TENM2: variants seen among roughly 807,000 people sequenced by gnomAD.
TENM2 encodes the protein teneurin transmembrane protein 2.
TENM2 carries 52 observed loss-of-function variants against 245.2 expected under a neutral mutation model. The ratio of observed to expected loss-of-function variants is 0.21; its 90% CI spans 0.17 to 0.27. The LOEUF (loss-of-function observed/expected upper bound fraction) is 0.27. Ranked by LOEUF, TENM2 falls within the 10% of genes least tolerant of loss-of-function variation. The pLI is 1.00. For synonymous variants in TENM2, 1,363 were observed against 1,438.9 expected (o/e 0.95, Z 1.19); for missense variants, 3,046 against 3,666.8 (o/e 0.83, Z 4.37).
chr5:167,541,606 A>G (rs12513610), intron 2 of TENM2, among the ~76,000 whole-genome samples: 9 of 152,082 alleles, frequency 5.9e-5, no homozygotes, highest in Admixed American at 1.3e-4. Context: ...GAATCAATAT[A>G]TCTGCACTGA....
At chr5:167,947,411 T>A (rs1225997367) in intron 3 of TENM2, among the ~76,000 whole-genome samples, 2 of 152,192 alleles carry the variant, frequency 1.3e-5, no homozygotes, top group South Asian at 2.1e-4. Context: ...ATATCCATTT[T>A]ACAAGTGAAC....
chr5:166,992,281 T>C, the TENM2 span, among the ~76,000 whole-genome samples: 1 of 152,176 alleles, frequency 6.6e-6, no homozygotes, highest in Non-Finnish European at 1.5e-5. Context: ...AGAGGAATAG[T>C]TGTCCGCAAA....
intron 1 of TENM2, among the ~76,000 whole-genome samples, chr5:167,365,460 ATAAAT>A (rs1334662132): frequency 6.6e-6 from 1 of 152,044 alleles, no homozygotes; most frequent in Non-Finnish European, 1.5e-5. Flanking sequence ...AAACAATACA[ATAAAT>A]TAAAGCCAAC....
chr5:168,179,652 A>T (rs181536479), intron 13 of TENM2, among the ~76,000 whole-genome samples: 2 of 152,288 alleles, frequency 1.3e-5, no homozygotes, highest in East Asian at 3.9e-4. Flanking sequence ...ACAACCTTAC[A>T]TGGCAGCTTT....
intron 5 of TENM2, among the ~76,000 whole-genome samples, chr5:168,020,732 G>A (rs1473216444): frequency 6.6e-6 from 1 of 152,186 alleles, no homozygotes; most frequent in East Asian, 1.9e-4. Context: ...GATACAGTGT[G>A]TCTTTGGACC....
At chr5:168,263,723 T>C (rs1432245304), downstream of TENM2, 1 of 152,602 alleles carries the variant, frequency 6.6e-6, no homozygotes, top group East Asian at 1.9e-4. Flanking sequence ...GTAGTCTGTT[T>C]AGATTCCGTA....
chr5:167,971,411 C>T (rs1781773711), intron 4 of TENM2, among the ~76,000 whole-genome samples: 1 of 152,000 alleles, frequency 6.6e-6, no homozygotes, highest in Non-Finnish European at 1.5e-5. Context: ...GCCAAAACAA[C>T]TGAGCCCAGC....
At chr5:167,809,760 C>T (rs1019628915) in intron 2 of TENM2, among the ~76,000 whole-genome samples, 5 of 152,120 alleles carry the variant, frequency 3.3e-5, no homozygotes, top group African/African-American at 1.2e-4. Context: ...GGTGTACCAT[C>T]AATGATTCTG....
chr5:167,172,154 C>T, the TENM2 span, among the ~76,000 whole-genome samples: 9 of 152,106 alleles, frequency 5.9e-5, no homozygotes, highest in Admixed American at 1.3e-4. Context: ...CAGGCACAAC[C>T]GTCAGAACAG....
At chr5:167,196,067 T>C in the TENM2 span, among the ~76,000 whole-genome samples, 1 of 152,078 alleles carries the variant, frequency 6.6e-6, no homozygotes, top group South Asian at 2.1e-4. Flanking sequence ...CATCGCAGAA[T>C]GTGCTTACAC....
At chr5:167,203,694 G>A in the TENM2 span, among the ~76,000 whole-genome samples, 14 of 152,252 alleles carry the variant, frequency 9.2e-5, no homozygotes, top group Non-Finnish European at 1.8e-4. Flanking sequence ...AACAAGCTAT[G>A]ATGATAGGAC....
intron 2 of TENM2, among the ~76,000 whole-genome samples, chr5:167,810,010 G>A (rs1766514591): frequency 6.6e-6 from 1 of 152,072 alleles, no homozygotes; most frequent in African/African-American, 2.4e-5. Flanking sequence ...CTGGTTGGAG[G>A]ATGGGTGCCA....
At chr5:167,767,782 A>G (rs1425565802) in intron 2 of TENM2, among the ~76,000 whole-genome samples, 1 of 152,134 alleles carries the variant, frequency 6.6e-6, no homozygotes, top group Admixed American at 6.5e-5. Flanking sequence ...TGTATTTTGA[A>G]CTCTGATATA....
chr5:167,280,156 A>G (rs1265204365), upstream of TENM2, among the ~76,000 whole-genome samples: 1 of 152,130 alleles, frequency 6.6e-6, no homozygotes, highest in Non-Finnish European at 1.5e-5. Flanking sequence ...GCCAAGGGGG[A>G]AGCCAACCCA....
At chr5:168,261,610 T>G (rs2152723619) in intron 28 of TENM2, among the ~76,000 whole-genome samples, 1 of 152,236 alleles carries the variant, frequency 6.6e-6, no homozygotes, top group South Asian at 2.1e-4. Flanking sequence ...AGTGGTGGGG[T>G]TCGAGGCTGT....
the TENM2 span, among the ~76,000 whole-genome samples, chr5:167,239,057 G>T: frequency 3.0e-4 from 46 of 152,178 alleles, no homozygotes; most frequent in Non-Finnish European, 7.3e-5. Context: ...TGTATCAGCA[G>T]ACGAAATAAA....
intron 4 of TENM2, among the ~76,000 whole-genome samples, chr5:167,963,454 G>A (rs1208346268): frequency 6.6e-6 from 1 of 152,118 alleles, no homozygotes; most frequent in Non-Finnish European, 1.5e-5. Flanking sequence ...ATAAGAATTG[G>A]TCTCTCTCCA....
At chr5:167,384,493 G>T (rs10061973) in intron 2 of TENM2, among the ~76,000 whole-genome samples, 85,199 of 151,682 alleles carry the variant, frequency 0.56, 25,534 homozygotes, top group African/African-American at 0.79. Flanking sequence ...TCAGGATAAT[G>T]GGAATATAGT....
chr5:167,594,107 A>T (rs1397586789), intron 2 of TENM2, among the ~76,000 whole-genome samples: 1 of 152,204 alleles, frequency 6.6e-6, no homozygotes, highest in East Asian at 1.9e-4. Flanking sequence ...CAATTTAAAA[A>T]TATACAGTAT....
Sources: allele counts gnomAD v4.1 joint callset (sites outside exome capture counted in the v4.1 genomes callset), GRCh38; gene constraint gnomAD v4.1.1; transcripts MANE v1.5; gene names NCBI Gene and HGNC (gene_info 2026-07-23, HGNC 2026-07-21).